The following PRKD1 variants were observed in gnomAD, a reference collection of about 807,000 sequenced individuals.
The protein encoded by PRKD1 is protein kinase D1.
A neutral mutation model predicts 95.9 loss-of-function variants in PRKD1; 63 were observed. The observed-to-expected ratio is 0.66, with a 90% CI of 0.54 to 0.81. The LOEUF (loss-of-function observed/expected upper bound fraction) is 0.81, where lower values mean the gene tolerates loss of function less well. Ranked by LOEUF, PRKD1 falls within the 30% of genes least tolerant of loss-of-function variation. The probability of loss-of-function intolerance (pLI) is 0.00; values close to 1 mark genes in which losing one functional copy is unlikely to be tolerated. For missense variants in PRKD1, 1,048 were observed against 1,165.3 expected (o/e 0.90, Z 1.47); for synonymous variants, 425 against 423.1 (o/e 1.00, Z -0.05).
At chr14:29,700,988 G>GCGCGCACACACACA (rs140824053) in intron 2 of PRKD1, among the ~76,000 whole-genome samples, 2 of 90,568 alleles carry the variant, frequency 2.2e-5, no homozygotes, top group African/African-American at 8.6e-5. Flanking sequence ...GCGCGCGCGC[G>GCGCGCACACACACA]CACACACACA....
At position 29,626,399 on chromosome 14, in the gene PRKD1, CTA is replaced by C; in HGVS notation, c.1798+83_1798+84del. 3.6e-6 allele frequency: 4 copies of C among 1,116,306 alleles called. No individual in the cohort carries two copies. In the South Asian group the frequency reaches 4.1e-5, roughly 12 times the overall value. 69.2% of individuals were successfully genotyped at this position (1,116,306 alleles called of 1,614,324 possible). A position where few individuals can be genotyped will look rare whatever the true frequency, so the allele number is the denominator to read the frequency against. Reference sequence around the variant, plus strand: ...AATATATACACATAGGTCTTCTCTTCTATGTTTTTCCTGTAAATATCGCTTTT... The same window carrying C: ...AATATATACACATAGGTCTTCTCTTCTGTTTTTCCTGTAAATATCGCTTTT... On this transcript the variant is annotated intron_variant, in intron 12 of 17. Transcript: ENST00000331968.
intron 1 of PRKD1, among the ~76,000 whole-genome samples, chr14:29,918,365 T>C (rs1894965484): frequency 6.6e-6 from 1 of 151,988 alleles, no homozygotes; most frequent in African/African-American, 2.4e-5. Flanking sequence ...CAAATAGTAA[T>C]TTACAAAAAT....
At chr14:29,716,922 C>T (rs2139371053) in intron 2 of PRKD1, among the ~76,000 whole-genome samples, 1 of 152,084 alleles carries the variant, frequency 6.6e-6, no homozygotes, top group African/African-American at 2.4e-5. Context: ...TGTTTAAAAA[C>T]AGGACTTTTA....
At chr14:29,822,361 T>C (rs1890947904) in intron 1 of PRKD1, among the ~76,000 whole-genome samples, 1 of 152,226 alleles carries the variant, frequency 6.6e-6, no homozygotes, top group Non-Finnish European at 1.5e-5. Flanking sequence ...TGCACAATTT[T>C]CCTTTTTCAT....
chr14:29,903,817 A>G (rs1894404410), intron 1 of PRKD1, among the ~76,000 whole-genome samples: 2 of 152,208 alleles, frequency 1.3e-5, no homozygotes, highest in African/African-American at 4.8e-5. Context: ...TTAAAGTGAA[A>G]ATAAAGCCTA....
At chr14:29,868,073 C>G (rs1892972706) in intron 1 of PRKD1, among the ~76,000 whole-genome samples, 1 of 152,198 alleles carries the variant, frequency 6.6e-6, no homozygotes, top group Non-Finnish European at 1.5e-5. Context: ...TTAAATTGCT[C>G]TGCGTAAGCT....
chr14:29,877,724 C>A (rs189145416), intron 1 of PRKD1, among the ~76,000 whole-genome samples: 7 of 152,332 alleles, frequency 4.6e-5, no homozygotes, highest in Admixed American at 3.3e-4. Context: ...GTTATCCCAG[C>A]ACCATTTATT....
At chr14:29,709,650 G>A (rs1221492230) in intron 2 of PRKD1, among the ~76,000 whole-genome samples, 1 of 152,162 alleles carries the variant, frequency 6.6e-6, no homozygotes, top group Non-Finnish European at 1.5e-5. Context: ...AGAGCCAATG[G>A]TATAGCTCCA....
At chr14:29,857,062 C>T (rs1232445239) in intron 1 of PRKD1, among the ~76,000 whole-genome samples, 1 of 152,174 alleles carries the variant, frequency 6.6e-6, no homozygotes, top group Non-Finnish European at 1.5e-5. Flanking sequence ...AATATCTTAA[C>T]CTCTCACCTC....
intron 1 of PRKD1, among the ~76,000 whole-genome samples, chr14:29,836,445 G>A (rs998002118): frequency 1.1e-4 from 17 of 152,156 alleles, no homozygotes; most frequent in African/African-American, 4.1e-4. Context: ...ATTTAGTCAC[G>A]TTGTAGGTGG....
At chr14:29,915,358 C>T (rs1294025251) in intron 1 of PRKD1, among the ~76,000 whole-genome samples, 1 of 152,050 alleles carries the variant, frequency 6.6e-6, no homozygotes, top group Non-Finnish European at 1.5e-5. Context: ...CCAAATTCTG[C>T]TACACAAACA....
At chr14:29,707,713 C>G (rs1471457546) in intron 2 of PRKD1, among the ~76,000 whole-genome samples, 1 of 152,148 alleles carries the variant, frequency 6.6e-6, no homozygotes, top group African/African-American at 2.4e-5. Flanking sequence ...TTTTGTGTTT[C>G]TGGAGCTCAA....
rs896851529 is a variant in PRKD1 at position 29,730,317 on chromosome 14, A to G, written c.265-4643T>C. ...GTGCAAATTAAAAACACAATGAGAT[A>G]TTACCTCAACCCTGTCAAAATGGCT... On this transcript the variant is annotated intron_variant, in intron 1 of 17. Transcript: ENST00000331968. Among the ~76,000 whole-genome samples, 4 of 152,130 alleles carry G rather than the reference A, an allele frequency of 2.6e-5. No individual in the cohort carries two copies. In the South Asian group the frequency reaches 8.3e-4, roughly 32 times the overall value.
At chr14:29,825,599 A>T (rs907577571) in intron 1 of PRKD1, among the ~76,000 whole-genome samples, 32 of 152,104 alleles carry the variant, frequency 2.1e-4, no homozygotes, top group African/African-American at 7.2e-4. Context: ...AGGGATCATT[A>T]TTTAAAAAAA....
chr14:29,586,054 A>G (rs1237844211), intron 16 of PRKD1, among the ~76,000 whole-genome samples: 1 of 152,228 alleles, frequency 6.6e-6, no homozygotes, highest in African/African-American at 2.4e-5. Context: ...CTGTATTTTA[A>G]TGGCTGCTAG....
At chr14:29,665,433 CCT>C (rs1173030098) in intron 3 of PRKD1, among the ~76,000 whole-genome samples, 1 of 152,044 alleles carries the variant, frequency 6.6e-6, no homozygotes, top group Non-Finnish European at 1.5e-5. Context: ...TGTGTGTGCC[CCT>C]GTGTACCCAC....
chr14:29,794,295 A>C lies in PRKD1; in HGVS notation c.265-68621T>G, dbSNP rs1409009849. On this transcript the variant is annotated intron_variant, in intron 1 of 17. Coordinates refer to ENST00000331968, the MANE Select transcript of PRKD1 (RefSeq NM_002742.3). ...TTCTTTTTAAAGTATAAAATATGCA[A>C]TAATTATTATGAATATACATGTAAA... 2.6e-5 allele frequency among the ~76,000 whole-genome samples: 4 copies of C among 151,746 alleles called. No individual in the cohort carries two copies. The South Asian group carries it at 8.3e-4, about 31-fold the overall frequency.
chr14:29,636,521 A>G (rs1420634277), intron 6 of PRKD1, 27 bp from the exon 7 acceptor site: 1 of 1,612,180 alleles, frequency 6.2e-7, no homozygotes, highest in South Asian at 1.1e-5. Flanking sequence ...ACCCATGAAG[A>G]TAAGCCTGGA....
At chr14:29,717,337 C>T (rs1043351084) in intron 2 of PRKD1, among the ~76,000 whole-genome samples, 2 of 152,122 alleles carry the variant, frequency 1.3e-5, no homozygotes, top group Admixed American at 1.3e-4. Context: ...TTGTGAAATG[C>T]TTTATATTTA....
Sources: gnomAD v4.1 joint callset for allele counts (sites outside exome capture counted in the v4.1 genomes callset) on GRCh38, gnomAD v4.1.1 for gene constraint, MANE v1.5 for transcripts, NCBI Gene and HGNC (gene_info 2026-07-23, HGNC 2026-07-21) for gene names.